Variants in ZNF677 observed in about 807,000 individuals in gnomAD.
The protein encoded by ZNF677 is zinc finger protein 677.
A neutral mutation model predicts 8.1 loss-of-function variants in ZNF677; 5 were observed. The observed-to-expected ratio is 0.62, with a 90% confidence interval of 0.32 to 1.29. The LOEUF is 1.29. Ranked by LOEUF, ZNF677 falls within the 50% of genes most tolerant of loss-of-function variation. ZNF677 has a pLI of 0.05. For synonymous variants in ZNF677, 221 were observed against 225.6 expected (o/e 0.98, Z 0.18); for missense variants, 685 against 685.9 (o/e 1.00, Z 0.01).
At chr19:53,244,159 T>C (rs182914063) in intron 3 of ZNF677, 1 of 412,228 alleles carries the variant, frequency 2.4e-6, no homozygotes, top group East Asian at 4.7e-5. Context: ...CTCAGGAGTT[T>C]GAAACAGTCT....
rs370992225 is a variant in ZNF677 at position 53,237,900 on chromosome 19, G to C, written c.827C>G (p.Ser276Trp). The C allele has an allele frequency of 2.6e-5, 42 of 1,612,852 alleles. No homozygotes were observed. The highest frequency in any genetic ancestry group is 3.3e-4 in the Middle Eastern group (2 of 6,062). ...NDCGKAFSKSSNLTNHQRIHS... is the reference protein window; with the variant it reads ...NDCGKAFSKSWNLTNHQRIHS... ...AATTCTCTGATGATTAGTGAGGTTC[G>C]AACTTTTGCTAAAAGCCTTTCCACA... is the stretch of plus-strand genomic sequence containing the variant. Residue 276 changes from serine (S) to tryptophan (W), a missense_variant, in exon 5 of 5, where the codon TCG (serine) becomes TGG (tryptophan). Physicochemically the swap from Ser to Trp is radical, Grantham distance 177 (BLOSUM62 -3). Coordinates refer to ENST00000598513, the MANE Select transcript of ZNF677 (RefSeq NM_182609.4).
In ZNF677 at chr19:53,252,128, T is replaced by C. The variant is rs189636891; in HGVS notation, c.-55-523A>G. ...GAGATAGGGAGAAAGAATAAAAAGC[T>C]GAGAGAGAAGCAGCTCTCCTATCTC... is the stretch of plus-strand genomic sequence containing the variant. On this transcript the variant is annotated intron_variant, in intron 2 of 4. Coordinates refer to ENST00000598513, the MANE Select transcript of ZNF677 (RefSeq NM_182609.4). 3.2e-3 allele frequency among the ~76,000 whole-genome samples: 489 copies of C among 152,286 alleles called. 2 individuals are homozygous for C. Among genetic ancestry groups the C allele is most frequent in the Middle Eastern group, 0.01 (3 of 294 alleles).
Position 53,236,961 on chromosome 19 carries a change from A to T in ZNF677, c.*11T>A, listed in dbSNP as rs1450470903. On this transcript the variant is annotated 3_prime_UTR_variant, in exon 5 of 5. Coordinates refer to ENST00000598513, the MANE Select transcript of ZNF677 (RefSeq NM_182609.4). ...TTTATATGGTTTCTTTTCACAATGG[A>T]GCCCCTGATGCTAGGTACAGCTTGA... is the stretch of plus-strand genomic sequence containing the variant. The T allele has an allele frequency of 6.6e-7, 1 of 1,525,708 alleles. No homozygotes were observed. The highest frequency in any genetic ancestry group is 2.3e-5 in the Admixed American group (1 of 43,272). The allele number at this position is 1,525,708 out of a possible 1,614,324, so 94.5% of individuals were successfully genotyped here. A position where few individuals can be genotyped will look rare whatever the true frequency, so the allele number is the denominator to read the frequency against.
rs936195035 is a variant in ZNF677 at position 53,236,738 on chromosome 19, A to C, written c.*234T>G. 3 of 361,988 alleles carry C rather than the reference A, an allele frequency of 8.3e-6. No homozygotes were observed. The highest frequency in any genetic ancestry group is 1.5e-5 in the Non-Finnish European group (3 of 202,774). 22.4% of individuals were successfully genotyped at this position (361,988 alleles called of 1,614,324 possible). A position where few individuals can be genotyped will look rare whatever the true frequency, so the allele number is the denominator to read the frequency against. On this transcript the variant is annotated 3_prime_UTR_variant, in exon 5 of 5. Transcript: ENST00000598513. ...TCTTCTGTTATAACCATAATAGGGT[A>C]AATATTTTTATAAAGCTGTTCACAT...
intron 1 of ZNF677, among the ~76,000 whole-genome samples, chr19:53,253,792 A>C (rs1411833965): frequency 6.6e-6 from 1 of 152,244 alleles, no homozygotes; most frequent in African/African-American, 2.4e-5. Flanking sequence ...TTTTAAATCC[A>C]ATAAATTATG....
chr19:53,239,523 G>C (rs1002757323), intron 4 of ZNF677: 13 of 151,904 alleles, frequency 8.6e-5, no homozygotes, highest in African/African-American at 3.1e-4. Context: ...TAGTTTTCCA[G>C]TTCTATGGCC....
In ZNF677 at chr19:53,237,049, C is replaced by T; in HGVS notation, c.1678G>A (p.Asp560Asn). ...TCTCTATTATAACTTTTTTGATGAT[C>T]TCCAAGGTTTGAACTTTGGAATAAA... ...NALFQSSNLG[D>N]HQKSYNREKH... Residue 560 changes from aspartate to asparagine, a missense_variant, in exon 5 of 5, where the codon GAT becomes AAT. Transcript: ENST00000598513. 6.2e-7 allele frequency: 1 copy of T among 1,607,936 alleles called. No individual in the cohort carries two copies. The highest frequency in any genetic ancestry group is 1.3e-5 in the African/African-American group (1 of 74,638).
At chr19:53,245,237 A>G (rs909539964) in intron 3 of ZNF677, among the ~76,000 whole-genome samples, 3 of 152,190 alleles carry the variant, frequency 2.0e-5, no homozygotes, top group Non-Finnish European at 4.4e-5. Flanking sequence ...TCTTGGATAT[A>G]ACACCAAAAG....
rs1228509560 is a variant in ZNF677, at chr19:53,237,757, A to G, written c.970T>C (p.Cys324Arg). The G allele has an allele frequency of 1.2e-6, 2 of 1,613,702 alleles. No individual in the cohort carries two copies. Among genetic ancestry groups the G allele is most frequent in the Middle Eastern group, 1.6e-4 (1 of 6,078 alleles). Reference sequence around the variant, plus strand: ...GAATTTTGACTACAGACCTTGCCACATATATTACATTGATATGGTTTCTCT... The same window carrying G: ...GAATTTTGACTACAGACCTTGCCACGTATATTACATTGATATGGTTTCTCT... The part of the protein sequence containing the change: ...TGEKPYQCNI[C>R]GKVCSQNSNL... Residue 324 changes from cysteine (C) to arginine (R), a missense_variant, in exon 5 of 5, where the codon TGT becomes CGT. Cys to Arg is a radical substitution (Grantham distance 180). Coordinates refer to ENST00000598513, the MANE Select transcript of ZNF677 (RefSeq NM_182609.4).
At position 53,251,524 on chromosome 19, in the gene ZNF677, T is replaced by G. The variant is rs915225885; in HGVS notation, c.15+12A>C. 6.2e-7 allele frequency: 1 copy of G among 1,612,426 alleles called. No homozygotes were observed. Among genetic ancestry groups the G allele is most frequent in the African/African-American group, 1.3e-5 (1 of 74,868 alleles). On this transcript the variant is annotated intron_variant, in intron 3 of 4. Coordinates refer to ENST00000598513, the MANE Select transcript of ZNF677 (RefSeq NM_182609.4). ...AGAGGACAAAACAGTGAACCAAGAA[T>G]ATAACTTTTACCTGAGAAAGAGCCA...
At position 53,238,375 on chromosome 19, in the gene ZNF677, T is replaced by C; in HGVS notation, c.352A>G (p.Lys118Glu). The C allele has an allele frequency of 1.9e-6, 3 of 1,613,704 alleles. No homozygotes were observed. The highest frequency in any genetic ancestry group is 2.2e-5 in the East Asian group (1 of 44,842). The change falls in exon 5 of 5, where the codon AAA (lysine) becomes GAA (glutamate). Residue 118 changes from lysine (K) to glutamate (E), a missense_variant. Physicochemically the swap from Lys to Glu is moderately conservative, Grantham distance 56. Transcript: ENST00000598513. Reference sequence around the variant, plus strand: ...TTGTTACAGGTCAAAGGCATTCCTTTGTAATTTTTTACATCATAGTCCCAC... The same window carrying C: ...TTGTTACAGGTCAAAGGCATTCCTTCGTAATTTTTTACATCATAGTCCCAC... ...SLWDYDVKNY[K>E]GMPLTCNKNL... is the part of the protein sequence containing the mutation.
rs979787434 is a variant in ZNF677 at position 53,236,700 on chromosome 19, T to G, written c.*272A>C. 3.2e-5 allele frequency: 8 copies of G among 250,398 alleles called. No homozygotes were observed. Among genetic ancestry groups the G allele is most frequent in the African/African-American group, 1.3e-4 (6 of 44,648 alleles). 15.5% of individuals were successfully genotyped at this position (250,398 alleles called of 1,614,324 possible). ...AAGGACTTGCCACATTTGTATGGTT[T>G]CCATCCTGAATGTCTTCTGTTATAA... On this transcript the variant is annotated 3_prime_UTR_variant, in exon 5 of 5. Transcript: ENST00000598513.
At position 53,237,838 on chromosome 19, in the gene ZNF677, C is replaced by A; in HGVS notation, c.889G>T (p.Gly297Cys). 1 of 1,613,280 alleles carries A rather than the reference C, an allele frequency of 6.2e-7. No homozygotes were observed. Among genetic ancestry groups the A allele is most frequent in the South Asian group, 1.1e-5 (1 of 90,974 alleles). The change falls in exon 5 of 5, where the codon GGC (glycine) becomes TGC (cysteine). Residue 297 changes from glycine (G) to cysteine (C), a missense_variant. Coordinates refer to ENST00000598513, the MANE Select transcript of ZNF677 (RefSeq NM_182609.4). ...GQRPYKCNECGKAFNQCSNLT... is the reference protein window; with the variant it reads ...GQRPYKCNECCKAFNQCSNLT... ...TTCGAACACTGGTTAAAGGCTTTGC[C>A]ACACTCGTTACATTTGTAAGGTCTC...
Position 53,238,335 on chromosome 19 carries a change from C to T in ZNF677, c.392G>A (p.Arg131Lys). ...GGATTTATTATGTTGTTGATCTTTT[C>T]TGTGAGTGAGATTTTTGTTACAGGT... ...PLTCNKNLTH[R>K]KDQQHNKSSI... The change falls in exon 5 of 5, where the codon AGA becomes AAA. Residue 131 changes from arginine (R) to lysine (K), a missense_variant. Physicochemically the swap from Arg to Lys is conservative, Grantham distance 26. Coordinates refer to ENST00000598513, the MANE Select transcript of ZNF677 (RefSeq NM_182609.4). 1 of 1,613,028 alleles carries T rather than the reference C, an allele frequency of 6.2e-7. No individual in the cohort carries two copies. The highest frequency in any genetic ancestry group is 1.1e-5 in the South Asian group (1 of 90,834).
At chr19:53,248,386 T>C (rs563517767) in intron 3 of ZNF677, among the ~76,000 whole-genome samples, 16 of 152,382 alleles carry the variant, frequency 1.0e-4, no homozygotes, top group African/African-American at 2.4e-4. Context: ...TTTGTATTTG[T>C]ACCTACGTAG....
chr19:53,247,834 T>C (rs965649829), intron 3 of ZNF677, among the ~76,000 whole-genome samples: 1 of 152,228 alleles, frequency 6.6e-6, no homozygotes, highest in Non-Finnish European at 1.5e-5. Flanking sequence ...TACATCCTTT[T>C]ATTATACTTT....
intron 1 of ZNF677, 77 bp downstream of exon 1, chr19:53,254,757 C>A (rs530019306): frequency 6.5e-6 from 1 of 152,756 alleles, no homozygotes; most frequent in African/African-American, 2.4e-5. Flanking sequence ...TACAGGGCGA[C>A]CCCAAAACCC....
Position 53,237,510 on chromosome 19 carries a change from T to C in ZNF677, c.1217A>G (p.Asn406Ser). ...IHTGEKPYIC[N>S]ECGKAFKQCS... ...CTGCTTAAAAGCTTTGCCACACTCA[T>C]TACATATGTAAGGCTTCTCTCCAGT... The change falls in exon 5 of 5, where the codon AAT becomes AGT. Residue 406 changes from asparagine to serine, a missense_variant. Asn to Ser is a conservative substitution (Grantham distance 46, BLOSUM62 1). Transcript: ENST00000598513. The C allele has an allele frequency of 1.9e-6, 3 of 1,613,330 alleles. No homozygotes were observed. The highest frequency in any genetic ancestry group is 1.7e-6 in the Non-Finnish European group (2 of 1,179,796).
At position 53,238,289 on chromosome 19, in the gene ZNF677, C is replaced by T. The variant is rs776016267; in HGVS notation, c.438G>A (p.Lys146=). The change falls in exon 5 of 5, where the codon AAG becomes AAA. Residue 146 remains lysine, a synonymous_variant. Transcript: ENST00000598513. ...HNKSSIHFSL[K]QSVSIRDSAH... ...CACTATCTCTTATAGAAACACTCTG[C>T]TTTAAAGAGAAATGTATTGAGGATT... The T allele has an allele frequency of 6.2e-7, 1 of 1,613,832 alleles. No individual in the cohort carries two copies. The highest frequency in any genetic ancestry group is 8.5e-7 in the Non-Finnish European group (1 of 1,179,872).
Sources: allele counts gnomAD v4.1 joint callset (sites outside exome capture counted in the v4.1 genomes callset), GRCh38; gene constraint gnomAD v4.1.1; transcripts MANE v1.5; gene names NCBI Gene and HGNC (gene_info 2026-07-23, HGNC 2026-07-21).